GLCCI1: variants seen among roughly 807,000 people sequenced by gnomAD.
GLCCI1 encodes glucocorticoid-induced transcript 1 protein.
A neutral mutation model predicts 52.2 loss-of-function variants in GLCCI1; 24 were observed. The ratio of observed to expected loss-of-function variants is 0.46; its 90% CI spans 0.33 to 0.65. The LOEUF is 0.65. GLCCI1 is among the 30% of genes least tolerant of loss of function. The pLI is 0.02. For synonymous variants in GLCCI1, 310 were observed against 276.5 expected (o/e 1.12, Z -1.20); for missense variants, 704 against 701.5 (o/e 1.00, Z -0.04).
At chr7:7,990,505 T>C (rs1780818044) in intron 1 of GLCCI1, among the ~76,000 whole-genome samples, 1 of 152,150 alleles carries the variant, frequency 6.6e-6, no homozygotes, top group South Asian at 2.1e-4. Flanking sequence ...GGTTGTTTTA[T>C]TTCTTCAGTT....
chr7:7,972,257 AAAC>A (rs1780368077), intron 1 of GLCCI1, among the ~76,000 whole-genome samples: 2 of 152,160 alleles, frequency 1.3e-5, no homozygotes, highest in Admixed American at 6.5e-5. Flanking sequence ...CATGAATGAA[AAAC>A]AACAACGTGC....
At chr7:8,044,098 C>A (rs945622848) in intron 3 of GLCCI1, among the ~76,000 whole-genome samples, 1 of 152,064 alleles carries the variant, frequency 6.6e-6, no homozygotes, top group Non-Finnish European at 1.5e-5. Context: ...GCGCCTGCCA[C>A]CATGCCTGGC....
chr7:7,992,405 G>A (rs1250800879), intron 1 of GLCCI1, among the ~76,000 whole-genome samples: 2 of 151,898 alleles, frequency 1.3e-5, no homozygotes, highest in African/African-American at 4.8e-5. Context: ...TTTGATTGAA[G>A]AGCATTCTCT....
chr7:7,976,921 CAAA>C (rs35442365), intron 1 of GLCCI1, among the ~76,000 whole-genome samples: 2 of 118,804 alleles, frequency 1.7e-5, no homozygotes, highest in Admixed American at 8.5e-5. Flanking sequence ...GGTGTTGTCT[CAAA>C]AAAAAAAAAA....
intron 3 of GLCCI1, among the ~76,000 whole-genome samples, chr7:8,045,578 G>C (rs1349943396): frequency 6.6e-6 from 1 of 152,158 alleles, no homozygotes; most frequent in East Asian, 1.9e-4. Flanking sequence ...CGTGTTTTAG[G>C]CAGTGCAACT....
chr7:7,986,012 A>T (rs913700399), intron 1 of GLCCI1, among the ~76,000 whole-genome samples: 2 of 152,224 alleles, frequency 1.3e-5, no homozygotes, highest in African/African-American at 4.8e-5. Context: ...TGATCCTTAC[A>T]CATTCTACAA....
chr7:8,087,054 T>C lies in GLCCI1; in HGVS notation c.*516T>C, dbSNP rs1783132069. On this transcript the variant is annotated 3_prime_UTR_variant, in exon 8 of 8. Coordinates refer to ENST00000223145, the MANE Select transcript of GLCCI1 (RefSeq NM_138426.4). ...TATGGCCTAGCTTCAGGTACTTCAG[T>C]TGAAGTCTAAACTCAGGTAACTTGG... 6.5e-6 allele frequency: 1 copy of C among 152,716 alleles called. No individual in the cohort carries two copies. Among genetic ancestry groups the C allele is most frequent in the African/African-American group, 2.4e-5 (1 of 41,354 alleles). The allele number at this position is 152,716 out of a possible 1,614,324, so 9.5% of individuals were successfully genotyped here.
chr7:8,042,684 G>A (rs1290377396), intron 3 of GLCCI1, among the ~76,000 whole-genome samples: 1 of 152,170 alleles, frequency 6.6e-6, no homozygotes. Flanking sequence ...CTGCAATCTG[G>A]TGATCAAATT....
chr7:8,007,332 GTAC>G (rs1781173083), intron 2 of GLCCI1, among the ~76,000 whole-genome samples: 1 of 152,118 alleles, frequency 6.6e-6, no homozygotes, highest in Admixed American at 6.5e-5. Context: ...TATGTAATAT[GTAC>G]TACGTACGTA....
chr7:8,056,423 C>G (rs1464641316), intron 4 of GLCCI1, among the ~76,000 whole-genome samples: 1 of 152,188 alleles, frequency 6.6e-6, no homozygotes, highest in Non-Finnish European at 1.5e-5. Context: ...CTCATTTAAT[C>G]TTCCTAACAG....
intron 5 of GLCCI1, among the ~76,000 whole-genome samples, chr7:8,063,653 C>T (rs7806594): frequency 2.2e-5 from 3 of 136,418 alleles, no homozygotes; most frequent in South Asian, 4.7e-4. Flanking sequence ...GGGTCTTGCT[C>T]CATTGCCCAG....
chr7:8,047,013 A>G (rs1355186517), intron 3 of GLCCI1, among the ~76,000 whole-genome samples: 3 of 152,158 alleles, frequency 2.0e-5, no homozygotes, highest in African/African-American at 7.2e-5. Flanking sequence ...AGGGGGAAAA[A>G]AAAAACCACC....
intron 3 of GLCCI1, among the ~76,000 whole-genome samples, chr7:8,049,497 T>C (rs1782209640): frequency 6.6e-6 from 1 of 152,170 alleles, no homozygotes; most frequent in South Asian, 2.1e-4. Context: ...TTAAATTGAA[T>C]CGTAAATATG....
At chr7:8,056,191 C>T (rs543825398) in intron 4 of GLCCI1, among the ~76,000 whole-genome samples, 5 of 149,048 alleles carry the variant, frequency 3.4e-5, no homozygotes, top group African/African-American at 7.4e-5. Flanking sequence ...CCCAGCTATT[C>T]GGAGACTGAG....
Position 7,969,715 on chromosome 7 carries a change from C to G in GLCCI1, c.365C>G (p.Pro122Arg). ...PAAAAPAEQA[P>R]RAKGRPRRSP... is the part of the protein sequence containing the mutation. ...GCCGCAGCCCCGGCCGAGCAGGCGC[C>G]GCGGGCCAAGGGCCGCCCGAGACGG... The change falls in exon 1 of 8, where the codon CCG (proline) becomes CGG (arginine). Residue 122 changes from proline to arginine, a missense_variant. Around this residue, in one of 3 missense-constraint regions of GLCCI1, gnomAD observed 547 missense variants for 524.8 expected, o/e 1.04. Transcript: ENST00000223145. The surrounding 1 kb of genome is among the most constrained non-coding windows in gnomAD (Gnocchi z 4.9). The G allele has an allele frequency of 7.4e-7, 1 of 1,346,294 alleles. No individual in the cohort carries two copies. The allele number at this position is 1,346,294 out of a possible 1,614,324, so 83.4% of individuals were successfully genotyped here.
Position 8,085,865 on chromosome 7 carries a change from G to C in GLCCI1, c.1299-328G>C, listed in dbSNP as rs150858643. 2.2e-3 allele frequency among the ~76,000 whole-genome samples: 337 copies of C among 152,288 alleles called. 1 individual carries two copies. Among genetic ancestry groups the C allele is most frequent in the African/African-American group, 7.7e-3 (321 of 41,556 alleles). On this transcript the variant is annotated intron_variant, in intron 7 of 7. Coordinates refer to ENST00000223145, the MANE Select transcript of GLCCI1 (RefSeq NM_138426.4). ...TGGTATACTTTTTCTTAACAGAAAAGGTCATTCTAACTTTGCATAATCTTC... is the reference window on the plus strand; with the variant it reads ...TGGTATACTTTTTCTTAACAGAAAACGTCATTCTAACTTTGCATAATCTTC...
At chr7:7,998,183 T>G (rs1306466672) in intron 1 of GLCCI1, among the ~76,000 whole-genome samples, 113 of 150,666 alleles carry the variant, frequency 7.5e-4, no homozygotes, top group African/African-American at 2.6e-3. Context: ...TTTGTTTTTT[T>G]TTTTTTTTGT....
At chr7:7,978,588 C>T (rs750587647) in intron 1 of GLCCI1, among the ~76,000 whole-genome samples, 8 of 151,896 alleles carry the variant, frequency 5.3e-5, no homozygotes, top group African/African-American at 1.7e-4. Context: ...AATGTGGAAA[C>T]GATTTTCTTT....
chr7:8,076,124 C>A (rs970275377), intron 6 of GLCCI1, among the ~76,000 whole-genome samples: 1 of 152,140 alleles, frequency 6.6e-6, no homozygotes, highest in African/African-American at 2.4e-5. Flanking sequence ...TATTTCTTGA[C>A]CTTTTTTTGA....
Sources: gnomAD v4.1 joint callset for allele counts (sites outside exome capture counted in the v4.1 genomes callset) on GRCh38, gnomAD v4.1.1 for gene constraint, gnomAD v4.1.1 regional missense constraint, Gnocchi (gnomAD v3.1) non-coding constraint, MANE v1.5 for transcripts, NCBI Gene and HGNC (gene_info 2026-07-23, HGNC 2026-07-21) for gene names.